The following MET variants were observed in gnomAD, a reference collection of about 807,000 sequenced individuals.
MET encodes the protein hepatocyte growth factor receptor.
A neutral mutation model predicts 133.1 loss-of-function variants in MET; 48 were observed. The observed-to-expected ratio is 0.36, with a 90% CI of 0.29 to 0.46. The LOEUF (loss-of-function observed/expected upper bound fraction) is 0.46, where lower values mean the gene tolerates loss of function less well. MET is among the 20% of genes least tolerant of loss of function. The pLI is 1.00. For synonymous variants in MET, 628 were observed against 616.5 expected (o/e 1.02, Z -0.28); for missense variants, 1,442 against 1,695.9 (o/e 0.85, Z 2.63).
chr7:116,728,957 A>C (rs960734673), intron 2 of MET, among the ~76,000 whole-genome samples: 1 of 152,190 alleles, frequency 6.6e-6, no homozygotes, highest in East Asian at 1.9e-4. Context: ...AAACAAGACA[A>C]CCACAAAAAC....
At chr7:116,788,806 C>T (rs771738253) in intron 19 of MET, among the ~76,000 whole-genome samples, 2 of 152,208 alleles carry the variant, frequency 1.3e-5, no homozygotes, top group Admixed American at 6.5e-5. Context: ...CGACCAAAAA[C>T]TTGCCTGCTT....
chr7:116,741,818 C>G (rs1562910451), intron 5 of MET, among the ~76,000 whole-genome samples: 1 of 152,176 alleles, frequency 6.6e-6, no homozygotes, highest in Non-Finnish European at 1.5e-5. Flanking sequence ...GCCCTCTAGT[C>G]CCTGAGGAGA....
intron 1 of MET, among the ~76,000 whole-genome samples, chr7:116,692,909 G>C (rs959957077): frequency 1.3e-5 from 2 of 152,196 alleles, no homozygotes; most frequent in Non-Finnish European, 2.9e-5. Context: ...GGAACTCAAA[G>C]TTGGTTAAAT....
At chr7:116,731,565 C>G (rs1793003773) in intron 2 of MET, 103 bp from the exon 3 acceptor site, 1 of 1,193,646 alleles carries the variant, frequency 8.4e-7, no homozygotes, top group African/African-American at 1.5e-5. Context: ...CATGATTATC[C>G]TTGCCATTAT....
intron 2 of MET, among the ~76,000 whole-genome samples, chr7:116,726,852 A>C (rs1376782616): frequency 6.6e-6 from 1 of 152,226 alleles, no homozygotes; most frequent in Admixed American, 6.5e-5. Context: ...TCAAGGCAGA[A>C]GAGATAGGAG....
At chr7:116,681,084 T>C (rs1796340894) in intron 1 of MET, among the ~76,000 whole-genome samples, 1 of 152,118 alleles carries the variant, frequency 6.6e-6, no homozygotes, top group Non-Finnish European at 1.5e-5. Context: ...TTGTGTTACA[T>C]GTGGTTTGAT....
At chr7:116,716,260 A>G (rs1792187282) in intron 2 of MET, among the ~76,000 whole-genome samples, 1 of 138,896 alleles carries the variant, frequency 7.2e-6, no homozygotes, top group Non-Finnish European at 1.5e-5. Context: ...CAAGCAAGCA[A>G]GCAAGAGGGA....
At chr7:116,787,820 G>T (rs1000114390) in intron 19 of MET, among the ~76,000 whole-genome samples, 1 of 152,202 alleles carries the variant, frequency 6.6e-6, no homozygotes, top group East Asian at 1.9e-4. Context: ...CGTAAGAATA[G>T]CTAGCTAATG....
intron 5 of MET, among the ~76,000 whole-genome samples, chr7:116,754,770 T>G (rs1794061059): frequency 6.7e-6 from 1 of 149,120 alleles, no homozygotes; most frequent in Non-Finnish European, 1.5e-5. Flanking sequence ...TGAGCCATGA[T>G]CACGCCACTG....
chr7:116,722,926 A>T (rs1265177629), intron 2 of MET, among the ~76,000 whole-genome samples: 1 of 146,984 alleles, frequency 6.8e-6, no homozygotes, highest in Admixed American at 6.8e-5. Flanking sequence ...TTTTTCCTTC[A>T]TTTCAACTTT....
chr7:116,747,396 G>A (rs1793733990), intron 5 of MET, among the ~76,000 whole-genome samples: 1 of 152,142 alleles, frequency 6.6e-6, no homozygotes, highest in African/African-American at 2.4e-5. Context: ...CACGTGCAAA[G>A]ACACACATAG....
Position 116,685,515 on chromosome 7 carries a change from GTC to G in MET, c.-15+12942_-15+12943del, listed in dbSNP as rs531618551. Among the ~76,000 whole-genome samples the G allele has an allele frequency of 3.6e-4, 54 of 151,992 alleles. 1 individual carries two copies. In the South Asian group the frequency reaches 0.011, roughly 31 times the overall value. On this transcript the variant is annotated intron_variant, in intron 1 of 20. Transcript: ENST00000397752. ...AGCCTGGCCAACATGGTGAAACCCCGTCTCTACTAAAAATACAAAATTTAGCC... is the reference window on the plus strand; with the variant it reads ...AGCCTGGCCAACATGGTGAAACCCCGTCTACTAAAAATACAAAATTTAGCC...
intron 1 of MET, among the ~76,000 whole-genome samples, chr7:116,681,052 C>A (rs1305369264): frequency 6.6e-6 from 1 of 152,074 alleles, no homozygotes; most frequent in Non-Finnish European, 1.5e-5. Context: ...CATTGCTTTA[C>A]AAAGTCTAAA....
intron 5 of MET, among the ~76,000 whole-genome samples, chr7:116,741,812 T>C (rs1029891407): frequency 6.6e-6 from 1 of 152,236 alleles, no homozygotes; most frequent in Admixed American, 6.5e-5. Context: ...CAGGCTGCCC[T>C]CTAGTCCCTG....
chr7:116,755,813 A>G (rs1441987522), intron 6 of MET, among the ~76,000 whole-genome samples: 1 of 152,310 alleles, frequency 6.6e-6, no homozygotes, highest in East Asian at 1.9e-4. Flanking sequence ...CAAGAGTAGC[A>G]CTAGTTGGGA....
chr7:116,790,224 A>G (rs1161435399), intron 19 of MET, among the ~76,000 whole-genome samples: 1 of 152,102 alleles, frequency 6.6e-6, no homozygotes, highest in Non-Finnish European at 1.5e-5. Flanking sequence ...GATTCCTAGA[A>G]CTTTTTCATC....
At chr7:116,698,965 T>C (rs1293570179) in intron 1 of MET, 106 bp from the exon 2 acceptor site, 1 of 1,510,232 alleles carries the variant, frequency 6.6e-7, no homozygotes, top group Non-Finnish European at 9.0e-7. Context: ...TATGTAAAAG[T>C]CCAGTTGGGA....
chr7:116,688,745 A>G (rs949638688), intron 1 of MET, among the ~76,000 whole-genome samples: 1 of 152,196 alleles, frequency 6.6e-6, no homozygotes. Flanking sequence ...CTCTTGCCAT[A>G]TCAGAGTTGG....
intron 14 of MET, 90 bp downstream of exon 14, chr7:116,772,079 AT>A: frequency 6.9e-7 from 1 of 1,444,890 alleles, no homozygotes; most frequent in Non-Finnish European, 9.6e-7. Flanking sequence ...TTGCATTTAT[AT>A]TTTTATAAAA....
Sources: gnomAD v4.1 joint callset for allele counts (sites outside exome capture counted in the v4.1 genomes callset) on GRCh38, gnomAD v4.1.1 for gene constraint, MANE v1.5 for transcripts, NCBI Gene and HGNC (gene_info 2026-07-23, HGNC 2026-07-21) for gene names.